The following RTL4 variants were observed in gnomAD, a reference collection of about 807,000 sequenced individuals.
RTL4 encodes retrotransposon Gag like 4, also known as retrotransposon Gag-like protein 4.
RTL4 carries 4 observed loss-of-function variants against 5.3 expected under a neutral mutation model. The observed-to-expected ratio is 0.75, with a 90% CI of 0.37 to 1.72. The LOEUF (loss-of-function observed/expected upper bound fraction) is 1.72. RTL4 is among the 40% of genes most tolerant of loss of function. The pLI is 0.04. For synonymous variants in RTL4, 98 were observed against 87.3 expected (o/e 1.12, Z -0.68); for missense variants, 260 against 227.1 (o/e 1.14, Z -0.93).
At chrX:112,144,067 GTTAATCT>G in the RTL4 span, among the ~76,000 whole-genome samples, 36 of 111,712 alleles carry the variant, frequency 3.2e-4, no homozygotes, top group African/African-American at 1.0e-3. Flanking sequence ...TACATTTCTT[GTTAATCT>G]TAAATATTTC....
chrX:112,436,487 A>G, the RTL4 span, among the ~76,000 whole-genome samples: 1 of 111,529 alleles, frequency 9.0e-6, no homozygotes, highest in Non-Finnish European at 1.9e-5. Context: ...TTTTAGGAAA[A>G]ATCAATAGAT....
At chrX:112,313,448 G>A in the RTL4 span, among the ~76,000 whole-genome samples, 1 of 111,038 alleles carries the variant, frequency 9.0e-6, no homozygotes, top group African/African-American at 3.3e-5. Context: ...CTGCACAGTG[G>A]GTGCTGTTAT....
the RTL4 span, among the ~76,000 whole-genome samples, chrX:112,098,786 C>A: frequency 9.0e-6 from 1 of 111,400 alleles, no homozygotes; most frequent in Admixed American, 9.5e-5. Context: ...AATGGGGAAA[C>A]GATTCCCTAT....
chrX:112,357,527 G>T, the RTL4 span, among the ~76,000 whole-genome samples: 1 of 111,661 alleles, frequency 9.0e-6, no homozygotes, highest in East Asian at 2.8e-4. Context: ...AAACCAAAAA[G>T]ATCAAAACAA....
At chrX:112,291,562 C>G in the RTL4 span, among the ~76,000 whole-genome samples, 3 of 110,372 alleles carry the variant, frequency 2.7e-5, no homozygotes, top group African/African-American at 9.9e-5. Flanking sequence ...AGAAGAAACA[C>G]CATCTACCCC....
chrX:112,168,939 T>C, the RTL4 span, among the ~76,000 whole-genome samples: 110 of 91,882 alleles, frequency 1.2e-3, no homozygotes, highest in Middle Eastern at 0.011. Flanking sequence ...CTTTCTTTCT[T>C]TTTCTTTCTT....
At chrX:112,376,819 G>A in the RTL4 span, among the ~76,000 whole-genome samples, 7 of 112,113 alleles carry the variant, frequency 6.2e-5, no homozygotes, top group South Asian at 1.5e-3. Context: ...GTTTGCATTC[G>A]GTTGAACACA....
At chrX:112,168,045 A>T in the RTL4 span, among the ~76,000 whole-genome samples, 1 of 111,672 alleles carries the variant, frequency 9.0e-6, no homozygotes, top group Non-Finnish European at 1.9e-5. Context: ...ATTGCAGCAA[A>T]GGTTCACCTA....
chrX:112,118,319 A>G, the RTL4 span, among the ~76,000 whole-genome samples: 1 of 111,614 alleles, frequency 9.0e-6, no homozygotes, highest in Admixed American at 9.5e-5. Context: ...TGTTGAAGAA[A>G]CCACTTCCAA....
chrX:112,244,278 C>G, the RTL4 span, among the ~76,000 whole-genome samples: 3 of 111,444 alleles, frequency 2.7e-5, no homozygotes, highest in Non-Finnish European at 5.6e-5. Flanking sequence ...GTTGATCTGT[C>G]TAATATTGAC....
At chrX:112,147,431 G>A in the RTL4 span, among the ~76,000 whole-genome samples, 2 of 111,165 alleles carry the variant, frequency 1.8e-5, no homozygotes, top group African/African-American at 3.3e-5. Flanking sequence ...AAATTACAGC[G>A]TGGTTGGTCA....
At chrX:112,199,114 C>T in the RTL4 span, among the ~76,000 whole-genome samples, 1 of 109,911 alleles carries the variant, frequency 9.1e-6, no homozygotes, top group Non-Finnish European at 1.9e-5. Flanking sequence ...TGGTGAAACC[C>T]TGTCTCTACT....
At chrX:112,455,873 A>C in exon 1 of RTL4, 1 of 408,808 alleles carries the variant, frequency 2.4e-6, no homozygotes, top group Non-Finnish European at 4.2e-6. Context: ...AAAACAATTC[A>C]CAGGCACTTT....
At chrX:112,200,503 T>C in the RTL4 span, among the ~76,000 whole-genome samples, 1 of 111,837 alleles carries the variant, frequency 8.9e-6, no homozygotes. Context: ...TGGCTTGAAG[T>C]TGGGAGAACT....
At chrX:112,273,346 C>T in the RTL4 span, among the ~76,000 whole-genome samples, 483 of 108,982 alleles carry the variant, frequency 4.4e-3, 6 homozygotes, top group African/African-American at 0.016. Flanking sequence ...CTCCGCCTCC[C>T]GGGTTCACGC....
the RTL4 span, among the ~76,000 whole-genome samples, chrX:112,179,795 A>G: frequency 3.6e-5 from 4 of 112,286 alleles, no homozygotes; most frequent in Middle Eastern, 4.6e-3. Context: ...GATAAGGGAT[A>G]TGACATTTAA....
At chrX:112,355,887 G>T in the RTL4 span, among the ~76,000 whole-genome samples, 1 of 111,420 alleles carries the variant, frequency 9.0e-6, no homozygotes, top group Non-Finnish European at 1.9e-5. Flanking sequence ...AACAGACCAG[G>T]AACAGAATAA....
chrX:112,117,236 C>T, the RTL4 span, among the ~76,000 whole-genome samples: 11 of 107,109 alleles, frequency 1.0e-4, no homozygotes, highest in Non-Finnish European at 1.5e-4. Flanking sequence ...ACCACATAAT[C>T]GTTATATGGT....
the RTL4 span, among the ~76,000 whole-genome samples, chrX:112,364,389 T>C: frequency 8.9e-6 from 1 of 111,856 alleles, no homozygotes; most frequent in Non-Finnish European, 1.9e-5. Context: ...GATAAAGGCA[T>C]TGAGGCTTCA....
Sources: gnomAD v4.1 joint callset for allele counts (sites outside exome capture counted in the v4.1 genomes callset) on GRCh38, gnomAD v4.1.1 for gene constraint, MANE v1.5 for transcripts, NCBI Gene and HGNC (gene_info 2026-07-23, HGNC 2026-07-21) for gene names.